MTFR1: variants seen among roughly 807,000 people sequenced by gnomAD.
MTFR1 encodes mitochondrial fission regulator 1.
A neutral mutation model predicts 38.8 loss-of-function variants in MTFR1; 28 were observed. The ratio of observed to expected loss-of-function variants is 0.72; its 90% CI spans 0.53 to 0.99. The LOEUF is 0.99. MTFR1 is among the 50% of genes least tolerant of loss of function. MTFR1 has a pLI of 0.00. For synonymous variants in MTFR1, 145 were observed against 137.0 expected (o/e 1.06, Z -0.41); for missense variants, 358 against 395.5 (o/e 0.91, Z 0.81).
downstream of MTFR1, among the ~76,000 whole-genome samples, chr8:65,774,173 AG>A (rs1412411915): frequency 3.9e-5 from 6 of 152,232 alleles, no homozygotes; most frequent in African/African-American, 1.4e-4. Flanking sequence ...ACGTTATTGC[AG>A]AAAAACTATG....
intron 3 of MTFR1, among the ~76,000 whole-genome samples, chr8:65,736,322 C>T (rs1404302430): frequency 6.6e-6 from 1 of 152,188 alleles, no homozygotes; most frequent in Non-Finnish European, 1.5e-5. Flanking sequence ...GAATTGTTTA[C>T]TTCTGGAATT....
At chr8:65,703,430 T>G (rs912090143) in intron 4 of MTFR1, among the ~76,000 whole-genome samples, 12 of 122,680 alleles carry the variant, frequency 9.8e-5, no homozygotes, top group African/African-American at 3.9e-4. Context: ...TTTTTTTTTT[T>G]TTTTTTTTTT....
At chr8:65,702,281 T>TTTTC (rs1261872793) in intron 4 of MTFR1, among the ~76,000 whole-genome samples, 132 of 136,764 alleles carry the variant, frequency 9.7e-4, no homozygotes, top group African/African-American at 3.0e-3. Context: ...TCTTTGTTTC[T>TTTTC]TTTCTTTCTT....
intron 2 of MTFR1, among the ~76,000 whole-genome samples, chr8:65,681,174 A>C (rs1010662122): frequency 3.3e-5 from 5 of 151,324 alleles, no homozygotes; most frequent in African/African-American, 1.2e-4. Context: ...GGCCTCCCAA[A>C]GTGCTGGGAT....
chr8:65,730,935 G>A (rs1451217059), intron 3 of MTFR1, among the ~76,000 whole-genome samples: 9 of 151,978 alleles, frequency 5.9e-5, no homozygotes, highest in African/African-American at 2.2e-4. Flanking sequence ...AAACAAAACA[G>A]AACAAAATAA....
intron 1 of MTFR1, among the ~76,000 whole-genome samples, chr8:65,650,037 C>CT (rs1809076607): frequency 6.6e-6 from 1 of 151,346 alleles, no homozygotes; most frequent in African/African-American, 2.4e-5. Context: ...TGGGGTTTCA[C>CT]TACGTTGGCC....
At chr8:65,732,878 CT>C (rs1806958043) in intron 3 of MTFR1, among the ~76,000 whole-genome samples, 1 of 151,656 alleles carries the variant, frequency 6.6e-6, no homozygotes, top group Admixed American at 6.6e-5. Context: ...TTCTTTCTAT[CT>C]TTTTTTGAAT....
At chr8:65,702,822 G>T (rs1197502819) in intron 4 of MTFR1, among the ~76,000 whole-genome samples, 1 of 144,014 alleles carries the variant, frequency 6.9e-6, no homozygotes, top group Admixed American at 7.0e-5. Context: ...TGATATGGGT[G>T]AGGAGCTAAA....
intron 2 of MTFR1, among the ~76,000 whole-genome samples, chr8:65,681,263 G>A (rs1358405626): frequency 1.3e-5 from 2 of 152,040 alleles, no homozygotes; most frequent in Admixed American, 1.3e-4. Context: ...GGGATTACAG[G>A]TGTGCACCAC....
chr8:65,739,661 T>C (rs768729526), intron 3 of MTFR1: 63 of 1,325,068 alleles, frequency 4.8e-5, no homozygotes, highest in Admixed American at 2.7e-4. Context: ...ATATTATGCT[T>C]TGAAATACAG....
At chr8:65,762,712 A>G (rs906832786) in intron 3 of MTFR1, among the ~76,000 whole-genome samples, 1 of 152,130 alleles carries the variant, frequency 6.6e-6, no homozygotes, top group East Asian at 1.9e-4. Context: ...AATATGTCAT[A>G]CCATTTTTTT....
intron 4 of MTFR1, among the ~76,000 whole-genome samples, chr8:65,701,886 A>C (rs1805619826): frequency 6.6e-6 from 1 of 152,214 alleles, no homozygotes; most frequent in South Asian, 2.1e-4. Context: ...TCGGTGGATC[A>C]GAGCAAGGTT....
chr8:65,667,892 C>A (rs1804434294), intron 1 of MTFR1, among the ~76,000 whole-genome samples: 1 of 152,180 alleles, frequency 6.6e-6, no homozygotes, highest in African/African-American at 2.4e-5. Context: ...ATACTTCATC[C>A]TGTTTTCCCC....
At chr8:65,646,942 G>A (rs1362805875) in intron 1 of MTFR1, among the ~76,000 whole-genome samples, 3 of 152,208 alleles carry the variant, frequency 2.0e-5, no homozygotes, top group Non-Finnish European at 4.4e-5. Context: ...TTATTCAAAG[G>A]ACAGTAGAGA....
chr8:65,702,415 T>C (rs1355669230), intron 4 of MTFR1, among the ~76,000 whole-genome samples: 1 of 150,226 alleles, frequency 6.7e-6, no homozygotes, highest in African/African-American at 2.4e-5. Flanking sequence ...TTCTCTTGCC[T>C]CAGCCTCCCA....
intron 4 of MTFR1, 124 bp from the exon 5 acceptor site, chr8:65,704,570 A>G (rs942039085): frequency 1.7e-5 from 12 of 708,384 alleles, no homozygotes; most frequent in Non-Finnish European, 2.6e-5. Flanking sequence ...ACACGAAGGG[A>G]CTTATGTAAG....
intron 4 of MTFR1, among the ~76,000 whole-genome samples, chr8:65,696,221 A>T (rs907989720): frequency 2.6e-5 from 4 of 152,248 alleles, no homozygotes; most frequent in African/African-American, 9.6e-5. Flanking sequence ...AAGGAATTTG[A>T]TTTGAATGAC....
chr8:65,774,662 TAA>T (rs1362412294), downstream of MTFR1, among the ~76,000 whole-genome samples: 2 of 151,586 alleles, frequency 1.3e-5, no homozygotes, highest in Non-Finnish European at 2.9e-5. Flanking sequence ...TAAAAATATA[TAA>T]AACAAAATTT....
At chr8:65,689,925 A>G (rs1199623070) in intron 3 of MTFR1, among the ~76,000 whole-genome samples, 1 of 152,148 alleles carries the variant, frequency 6.6e-6, no homozygotes, top group Non-Finnish European at 1.5e-5. Context: ...ACATCTTATC[A>G]GTTTTGGAAT....
Sources: gnomAD v4.1 joint callset for allele counts (sites outside exome capture counted in the v4.1 genomes callset) on GRCh38, gnomAD v4.1.1 for gene constraint, MANE v1.5 for transcripts, NCBI Gene and HGNC (gene_info 2026-07-23, HGNC 2026-07-21) for gene names.